SLC14A2: variants seen among roughly 807,000 people sequenced by gnomAD.
SLC14A2 encodes the protein urea transporter 2.
SLC14A2 carries 91 observed loss-of-function variants against 104.6 expected under a neutral mutation model. The observed-to-expected ratio is 0.87, with a 90% CI of 0.73 to 1.04. The LOEUF (loss-of-function observed/expected upper bound fraction) is 1.04, where lower values mean the gene tolerates loss of function less well. Among genes scored for constraint, SLC14A2 ranks in the 50% least tolerant of loss-of-function variants. The pLI is 0.00. For missense variants in SLC14A2, 1,189 were observed against 1,156.0 expected, an observed-to-expected ratio of 1.03 and a Z score of -0.41; for synonymous variants, 476 against 466.4, an observed-to-expected ratio of 1.02 and a Z score of -0.27.
intron 1 of SLC14A2, among the ~76,000 whole-genome samples, chr18:45,267,973 T>G (rs564028240): frequency 6.6e-6 from 1 of 152,300 alleles, no homozygotes; most frequent in African/African-American, 2.4e-5. Context: ...TTTTATTTTC[T>G]CAGGGATTTT....
At chr18:45,442,886 G>A (rs768279674) in intron 1 of SLC14A2, among the ~76,000 whole-genome samples, 26 of 152,300 alleles carry the variant, frequency 1.7e-4, no homozygotes, top group South Asian at 1.2e-3. Context: ...CAACCATATT[G>A]TCTAGGTTGC....
intron 1 of SLC14A2, among the ~76,000 whole-genome samples, chr18:45,238,791 G>T (rs1260477569): frequency 1.3e-5 from 2 of 152,114 alleles, no homozygotes; most frequent in East Asian, 1.9e-4. Context: ...GCACATTGTT[G>T]TTTCTAATTT....
chr18:45,188,657 C>G, the SLC14A2 span, among the ~76,000 whole-genome samples: 1 of 152,134 alleles, frequency 6.6e-6, no homozygotes, highest in Non-Finnish European at 1.5e-5. Context: ...TTTTCCTGCT[C>G]CTGAGAACTG....
At chr18:45,181,166 C>T in the SLC14A2 span, 1 of 152,562 alleles carries the variant, frequency 6.6e-6, no homozygotes, top group Non-Finnish European at 1.5e-5. Context: ...GCTCTCTCAT[C>T]TCCTCTCCTC....
At chr18:45,512,699 G>A (rs2193637) in intron 2 of SLC14A2, among the ~76,000 whole-genome samples, 37,030 of 151,926 alleles carry the variant, frequency 0.24, 4,829 homozygotes, top group African/African-American at 0.32. Context: ...TTTTCTTCAC[G>A]GCAGCCTCCC....
At chr18:45,412,209 C>T (rs1376203770) in intron 1 of SLC14A2, among the ~76,000 whole-genome samples, 1 of 152,158 alleles carries the variant, frequency 6.6e-6, no homozygotes, top group East Asian at 1.9e-4. Flanking sequence ...GGGGTGACAG[C>T]TTTGCTGGGA....
rs866468754 is a variant in SLC14A2 at position 45,627,904 on chromosome 18, G to A, written c.521+757G>A. Reference sequence around the variant, plus strand: ...GCATGCCTGTAATCCCAGCTACTCGGAAGGCTGAGGATCTCTTAAACCTGG... The same window carrying A: ...GCATGCCTGTAATCCCAGCTACTCGAAAGGCTGAGGATCTCTTAAACCTGG... On this transcript the variant is annotated intron_variant, in intron 4 of 19. Coordinates refer to ENST00000255226, the MANE Select transcript of SLC14A2 (RefSeq NM_007163.4). Among the ~76,000 whole-genome samples, 5 of 150,342 alleles carry A rather than the reference G, an allele frequency of 3.3e-5. No homozygotes were observed. In the Middle Eastern group the frequency reaches 0.01, roughly 313 times the overall value.
At chr18:45,375,218 G>A (rs2085761554) in intron 1 of SLC14A2, among the ~76,000 whole-genome samples, 1 of 152,168 alleles carries the variant, frequency 6.6e-6, no homozygotes, top group Non-Finnish European at 1.5e-5. Flanking sequence ...CTGGGGACTA[G>A]ACTGCCTTTG....
rs202231115 is a variant in SLC14A2 at position 45,565,124 on chromosome 18, GCTT to G, written c.-34-59503_-34-59501del. Among the ~76,000 whole-genome samples, 15 of 150,622 alleles carry G rather than the reference GCTT, an allele frequency of 1.0e-4. No homozygotes were observed. In the East Asian group the frequency reaches 1.4e-3, roughly 14 times the overall value. ...GTGTATTGTGAGCGTGCATGCATGT[GCTT>G]CTTTTTTTTTTTTTTGAGACAGAGT... On this transcript the variant is annotated intron_variant, in intron 2 of 20. Transcript: ENST00000586448.
chr18:45,192,227 C>A, the SLC14A2 span, among the ~76,000 whole-genome samples: 2 of 152,136 alleles, frequency 1.3e-5, no homozygotes, highest in Non-Finnish European at 2.9e-5. Context: ...TGGTATCAGG[C>A]ATATATTCAA....
chr18:45,333,729 A>T (rs181079194), intron 1 of SLC14A2, among the ~76,000 whole-genome samples: 5 of 152,316 alleles, frequency 3.3e-5, no homozygotes, highest in South Asian at 2.1e-4. Flanking sequence ...CGCCTTGTCA[A>T]ATTAGAAGGC....
chr18:45,464,581 C>A (rs1217219792), intron 1 of SLC14A2, among the ~76,000 whole-genome samples: 2 of 152,124 alleles, frequency 1.3e-5, no homozygotes, highest in Non-Finnish European at 2.9e-5. Flanking sequence ...GTGGAGAGGG[C>A]CAGTGCTGTG....
chr18:45,206,467 C>T, the SLC14A2 span, among the ~76,000 whole-genome samples: 76 of 152,060 alleles, frequency 5.0e-4, no homozygotes, highest in African/African-American at 1.6e-3. Flanking sequence ...GGCCTAAAAA[C>T]GAGTACTGCC....
chr18:45,609,033 C>T (rs541433139), intron 2 of SLC14A2, among the ~76,000 whole-genome samples: 3 of 152,256 alleles, frequency 2.0e-5, no homozygotes, highest in East Asian at 3.9e-4. Flanking sequence ...TTGCTTCATC[C>T]TACACAGGAT....
At position 45,636,119 on chromosome 18, in the gene SLC14A2, C is replaced by T. The variant is rs541847997; in HGVS notation, c.651-871C>T. Among the ~76,000 whole-genome samples, 17 of 152,292 alleles carry T rather than the reference C, an allele frequency of 1.1e-4. No individual in the cohort carries two copies. In the East Asian group the frequency reaches 2.5e-3, roughly 22 times the overall value. The stretch of plus-strand genomic sequence containing the variant: ...ATGTGAAATACTTGTCTCAGCAAGT[C>T]GGAGAGTTAACTGGTGAGGGATGTG... On this transcript the variant is annotated intron_variant, in intron 5 of 19. Coordinates refer to ENST00000255226, the MANE Select transcript of SLC14A2 (RefSeq NM_007163.4).
chr18:45,474,091 G>A (rs60049660), intron 1 of SLC14A2, among the ~76,000 whole-genome samples: 2,526 of 152,192 alleles, frequency 0.017, 71 homozygotes, highest in African/African-American at 0.057. Flanking sequence ...GCATGAATGG[G>A]TGTTGAATTT....
chr18:45,236,838 A>G (rs1202926196), intron 1 of SLC14A2, among the ~76,000 whole-genome samples: 1 of 152,120 alleles, frequency 6.6e-6, no homozygotes, highest in Admixed American at 6.5e-5. Flanking sequence ...AGGAAGCTGT[A>G]TGCTGAAACA....
intron 1 of SLC14A2, among the ~76,000 whole-genome samples, chr18:45,280,470 C>T (rs1277865989): frequency 6.6e-6 from 1 of 152,168 alleles, no homozygotes; most frequent in Non-Finnish European, 1.5e-5. Context: ...GGGAGTGATA[C>T]TTCCACCACC....
chr18:45,583,180 A>G (rs181248309), intron 2 of SLC14A2, among the ~76,000 whole-genome samples: 203 of 152,314 alleles, frequency 1.3e-3, no homozygotes, highest in Non-Finnish European at 1.8e-3. Context: ...CTCTTTCACT[A>G]TCATTTAACA....
Sources: allele counts gnomAD v4.1 joint callset (sites outside exome capture counted in the v4.1 genomes callset), GRCh38; gene constraint gnomAD v4.1.1; transcripts MANE v1.5; gene names NCBI Gene and HGNC (gene_info 2026-07-23, HGNC 2026-07-21).